The following RIOK1 variants were observed in gnomAD, a reference collection of about 807,000 sequenced individuals.
The protein encoded by RIOK1 is RIO kinase 1.
RIOK1 carries 66 observed loss-of-function variants against 73.5 expected under a neutral mutation model. That is an observed-to-expected ratio of 0.90 (90% CI 0.74 to 1.10). RIOK1 has a LOEUF of 1.10. Ranked by LOEUF, RIOK1 falls within the 50% of genes least tolerant of loss-of-function variation. The probability of loss-of-function intolerance (pLI) is 0.00; values close to 1 mark genes in which losing one functional copy is unlikely to be tolerated. For missense variants in RIOK1, 658 were observed against 699.8 expected (o/e 0.94, Z 0.67); for synonymous variants, 224 against 226.8 (o/e 0.99, Z 0.11).
At chr6:7,416,263 CT>C (rs1370165778) in intron 16 of RIOK1, among the ~76,000 whole-genome samples, 3 of 152,146 alleles carry the variant, frequency 2.0e-5, no homozygotes, top group Admixed American at 6.5e-5. Context: ...ATGTCTATTT[CT>C]GTTAGAATAT....
chr6:7,403,612 C>A (rs1473794418), intron 8 of RIOK1, among the ~76,000 whole-genome samples: 1 of 152,174 alleles, frequency 6.6e-6, no homozygotes, highest in Non-Finnish European at 1.5e-5. Flanking sequence ...ATTTTTCAGG[C>A]TATTCAACAC....
chr6:7,405,220 G>A, intron 11 of RIOK1, 29 bp from the exon 12 acceptor site: 12 of 1,399,778 alleles, frequency 8.6e-6, no homozygotes, highest in Middle Eastern at 1.8e-4. Flanking sequence ...CCTCATAAAA[G>A]CTGTCATTAA....
chr6:7,413,858 G>A lies in RIOK1; in HGVS notation c.1444-380G>A, dbSNP rs542993917. Among the ~76,000 whole-genome samples the A allele has an allele frequency of 7.9e-5, 12 of 152,280 alleles. No homozygotes were observed. The South Asian group carries it at 1.9e-3, about 24-fold the overall frequency. On this transcript the variant is annotated intron_variant, in intron 15 of 16. Transcript: ENST00000379834. ...GGATTAGTTTATTGCTAGAAATGTGGTTCACAGGAAAACAGCTGTGAAGTT... is the reference window on the plus strand; with the variant it reads ...GGATTAGTTTATTGCTAGAAATGTGATTCACAGGAAAACAGCTGTGAAGTT...
intron 2 of RIOK1, among the ~76,000 whole-genome samples, chr6:7,393,934 G>A (rs1391741062): frequency 3.9e-5 from 6 of 152,186 alleles, no homozygotes; most frequent in Non-Finnish European, 8.8e-5. Flanking sequence ...AGCCATAAAA[G>A]ATGTTGTAAT....
At chr6:7,405,950 C>T (rs527652093) in intron 12 of RIOK1, among the ~76,000 whole-genome samples, 1 of 151,334 alleles carries the variant, frequency 6.6e-6, no homozygotes, top group Admixed American at 6.6e-5. Flanking sequence ...TCTCAGGGGC[C>T]TTTCTCTTTT....
chr6:7,405,732 T>C (rs1210537219), intron 12 of RIOK1, among the ~76,000 whole-genome samples: 1 of 151,568 alleles, frequency 6.6e-6, no homozygotes. Flanking sequence ...ACTTAACAGA[T>C]GAAGAATCAA....
In RIOK1 at chr6:7,389,969, G is replaced by C; in HGVS notation, c.-34G>C. On this transcript the variant is annotated 5_prime_UTR_variant, in exon 1 of 17. Coordinates refer to ENST00000379834, the MANE Select transcript of RIOK1 (RefSeq NM_031480.3). ...TCCGTCTGAGCCGTTCCTTTCCATC[G>C]CAGAGCGGCGGCCTCCGGCGGCGCT... The C allele has an allele frequency of 6.5e-7, 1 of 1,531,802 alleles. No homozygotes were observed. Among genetic ancestry groups the C allele is most frequent in the Non-Finnish European group, 8.8e-7 (1 of 1,131,042 alleles). The allele number at this position is 1,531,802 out of a possible 1,614,324, so 94.9% of individuals were successfully genotyped here. A position where few individuals can be genotyped will look rare whatever the true frequency, so the allele number is the denominator to read the frequency against.
intron 14 of RIOK1, among the ~76,000 whole-genome samples, chr6:7,412,013 G>T (rs1761897826): frequency 6.6e-6 from 1 of 152,170 alleles, no homozygotes; most frequent in African/African-American, 2.4e-5. Context: ...CTTAATTGGG[G>T]CTCAAAGTTT....
intron 3 of RIOK1, among the ~76,000 whole-genome samples, chr6:7,395,954 C>T (rs143269233): frequency 0.01 from 1,549 of 152,222 alleles, 22 homozygotes; most frequent in African/African-American, 0.036. Flanking sequence ...GTGATCTGTC[C>T]GCCTCAGCCT....
At chr6:7,417,105 G>A (rs904273971) in intron 16 of RIOK1, among the ~76,000 whole-genome samples, 10 of 151,806 alleles carry the variant, frequency 6.6e-5, no homozygotes, top group Non-Finnish European at 1.5e-4. Context: ...AAAAAACCTA[G>A]CCAGGTGTGG....
At chr6:7,411,534 TC>T in intron 14 of RIOK1, 83 bp downstream of exon 14, 1 of 1,437,884 alleles carries the variant, frequency 7.0e-7, no homozygotes, top group Non-Finnish European at 9.6e-7. Flanking sequence ...CCTTTTAAGT[TC>T]CCCTAATCTT....
At chr6:7,416,151 A>G (rs891213751) in intron 16 of RIOK1, among the ~76,000 whole-genome samples, 1 of 152,192 alleles carries the variant, frequency 6.6e-6, no homozygotes, top group Non-Finnish European at 1.5e-5. Context: ...CTAATCCTTT[A>G]AACCTTATAC....
rs34911861 is a variant in RIOK1 at position 7,395,513 on chromosome 6, CAAAAAA to C, written c.367+380_367+385del. Among the ~76,000 whole-genome samples, 416 of 108,144 alleles carry C rather than the reference CAAAAAA, an allele frequency of 3.8e-3. 1 individual carries two copies. Among genetic ancestry groups the C allele is most frequent in the Middle Eastern group, 4.5e-3 (1 of 224 alleles). 70.9% of individuals were successfully genotyped at this position (108,144 alleles called of 152,430 possible). A position where few individuals can be genotyped will look rare whatever the true frequency, so the allele number is the denominator to read the frequency against. On this transcript the variant is annotated intron_variant, in intron 3 of 16. Coordinates refer to ENST00000379834, the MANE Select transcript of RIOK1 (RefSeq NM_031480.3). ...GGACAATAAGGGCAAAATTCCATCT[CAAAAAA>C]AAAAAAAAAGAAAAAAGGAATGAAT...
intron 1 of RIOK1, among the ~76,000 whole-genome samples, chr6:7,390,290 G>T (rs116254936): frequency 9.1e-4 from 139 of 152,350 alleles, no homozygotes; most frequent in African/African-American, 3.2e-3. Context: ...GGAGTCTGCG[G>T]TTCTCAGGTC....
chr6:7,417,106 C>T (rs1762024521), intron 16 of RIOK1, among the ~76,000 whole-genome samples: 1 of 151,556 alleles, frequency 6.6e-6, no homozygotes, highest in African/African-American at 2.4e-5. Context: ...AAAAACCTAG[C>T]CAGGTGTGGT....
chr6:7,398,491 T>G (rs1469482624), intron 4 of RIOK1, among the ~76,000 whole-genome samples: 7 of 152,222 alleles, frequency 4.6e-5, no homozygotes, highest in Admixed American at 4.6e-4. Flanking sequence ...CATACTCCTT[T>G]TGCCAAAATA....
intron 12 of RIOK1, 74 bp from the exon 13 acceptor site, chr6:7,410,312 T>C: frequency 9.7e-7 from 1 of 1,033,622 alleles, no homozygotes; most frequent in East Asian, 2.4e-5. Context: ...AACAATTTTA[T>C]ACCAAAACTG....
rs1295208939 is a variant in RIOK1 at position 7,389,937 on chromosome 6, G to C, written c.-66G>C. 7.6e-7 allele frequency: 1 copy of C among 1,324,132 alleles called. No individual in the cohort carries two copies. The highest frequency in any genetic ancestry group is 1.1e-6 in the Non-Finnish European group (1 of 947,976). The allele number at this position is 1,324,132 out of a possible 1,614,324, so 82.0% of individuals were successfully genotyped here. On this transcript the variant is annotated 5_prime_UTR_variant, in exon 1 of 17. Transcript: ENST00000379834. ...ACGCCAAGGCCTTTGGATCGGCCGT[G>C]GGTACATCCGTCTGAGCCGTTCCTT...
At chr6:7,392,859 C>T (rs1187526403) in intron 1 of RIOK1, 4 of 932,234 alleles carry the variant, frequency 4.3e-6, no homozygotes, top group Non-Finnish European at 5.1e-6. Context: ...GCAGATTTAA[C>T]TTGATGTGCT....
Sources: allele counts gnomAD v4.1 joint callset (sites outside exome capture counted in the v4.1 genomes callset), GRCh38; gene constraint gnomAD v4.1.1; transcripts MANE v1.5; gene names NCBI Gene and HGNC (gene_info 2026-07-23, HGNC 2026-07-21).